Variants in FSTL5 observed in about 807,000 individuals in gnomAD.
FSTL5 encodes the protein follistatin like 5, also known as follistatin-related protein 5.
Under a neutral mutation model 89.1 loss-of-function variants are expected in FSTL5, and 62 were observed. That is an observed-to-expected ratio of 0.70 (90% CI 0.57 to 0.86). The LOEUF is 0.86. FSTL5 is among the 40% of genes least tolerant of loss of function. FSTL5 has a pLI of 0.00. For missense variants in FSTL5, 1,057 were observed against 1,001.6 expected (o/e 1.06, Z -0.75); for synonymous variants, 383 against 346.2 (o/e 1.11, Z -1.18).
chr4:162,158,079 T>G (rs1276406930), intron 1 of FSTL5, among the ~76,000 whole-genome samples: 1 of 152,132 alleles, frequency 6.6e-6, no homozygotes, highest in Admixed American at 6.6e-5. Flanking sequence ...TCACAGACTG[T>G]TCAAAACTTT....
chr4:161,656,276 G>A, intron 7 of FSTL5, 52 bp downstream of exon 7: 6 of 999,494 alleles, frequency 6.0e-6, no homozygotes, highest in Middle Eastern at 3.0e-4. Context: ...AAAGTCTGGA[G>A]TATATCACAT....
At chr4:161,505,343 T>G (rs2126492069) in intron 11 of FSTL5, among the ~76,000 whole-genome samples, 1 of 152,288 alleles carries the variant, frequency 6.6e-6, no homozygotes, top group South Asian at 2.1e-4. Context: ...ATAAAGTCTT[T>G]ATATTAAGTT....
intron 2 of FSTL5, among the ~76,000 whole-genome samples, chr4:162,101,340 T>C (rs1336885481): frequency 6.6e-6 from 1 of 152,244 alleles, no homozygotes; most frequent in Non-Finnish European, 1.5e-5. Flanking sequence ...TGAACTGTTT[T>C]ATTCAGTACT....
intron 2 of FSTL5, among the ~76,000 whole-genome samples, chr4:162,040,449 C>T (rs1737907397): frequency 6.6e-6 from 1 of 152,014 alleles, no homozygotes; most frequent in African/African-American, 2.4e-5. Context: ...TACATACACA[C>T]ACATATAGGT....
chr4:161,839,002 TCAAAC>T (rs1272316520), intron 4 of FSTL5, among the ~76,000 whole-genome samples: 4 of 152,004 alleles, frequency 2.6e-5, no homozygotes, highest in Non-Finnish European at 5.9e-5. Flanking sequence ...TGAGAAATCT[TCAAAC>T]CAAATTATAA....
chr4:161,714,811 TTAG>T (rs1219089960), intron 6 of FSTL5, among the ~76,000 whole-genome samples: 3 of 152,158 alleles, frequency 2.0e-5, no homozygotes, highest in Non-Finnish European at 4.4e-5. Flanking sequence ...CAGCTGGCTT[TTAG>T]TAGATTAATT....
intron 1 of FSTL5, among the ~76,000 whole-genome samples, chr4:162,157,100 A>G (rs1733504440): frequency 6.6e-6 from 1 of 152,100 alleles, no homozygotes; most frequent in African/African-American, 2.4e-5. Flanking sequence ...ATGTCAAAAT[A>G]ATTTTGTCTC....
chr4:161,418,549 T>A (rs901321340), intron 15 of FSTL5, among the ~76,000 whole-genome samples: 1 of 152,228 alleles, frequency 6.6e-6, no homozygotes, highest in African/African-American at 2.4e-5. Context: ...ACCAAAAGTT[T>A]GATAAATAAA....
At chr4:161,402,644 G>A (rs1056142744) in intron 15 of FSTL5, among the ~76,000 whole-genome samples, 1 of 151,986 alleles carries the variant, frequency 6.6e-6, no homozygotes, top group Non-Finnish European at 1.5e-5. Context: ...CCTTGGACTT[G>A]GTCTGATCTG....
chr4:161,385,295 A>T lies in FSTL5; in HGVS notation c.*452T>A, dbSNP rs1730578552. ...TTCCCTTCAAGGCACAAAATATTATAAACAGTGGACAGGACCGAATATTTT... is the reference window on the plus strand; with the variant it reads ...TTCCCTTCAAGGCACAAAATATTATTAACAGTGGACAGGACCGAATATTTT... On this transcript the variant is annotated 3_prime_UTR_variant, in exon 16 of 16. Transcript: ENST00000306100. 6.4e-6 allele frequency: 1 copy of T among 157,016 alleles called. No homozygotes were observed. The highest frequency in any genetic ancestry group is 6.2e-5 in the Admixed American group (1 of 16,116). The allele number at this position is 157,016 out of a possible 1,614,324, so 9.7% of individuals were successfully genotyped here. A position where few individuals can be genotyped will look rare whatever the true frequency, so the allele number is the denominator to read the frequency against.
At chr4:161,798,747 A>G (rs1729708282) in intron 4 of FSTL5, among the ~76,000 whole-genome samples, 5 of 151,764 alleles carry the variant, frequency 3.3e-5, no homozygotes, top group Admixed American at 3.3e-4. Context: ...AAATCTAAAA[A>G]AAAAATTAAC....
At chr4:161,415,685 G>C (rs1442199959) in intron 15 of FSTL5, among the ~76,000 whole-genome samples, 1 of 149,456 alleles carries the variant, frequency 6.7e-6, no homozygotes, top group East Asian at 2.2e-4. Context: ...GAGAGAAAGA[G>C]AGAGAAAGAG....
chr4:161,556,178 A>G (rs1370508767), intron 8 of FSTL5, among the ~76,000 whole-genome samples: 1 of 151,592 alleles, frequency 6.6e-6, no homozygotes, highest in Non-Finnish European at 1.5e-5. Flanking sequence ...TTGCACCTCA[A>G]TAGTGTGTTT....
At chr4:161,879,303 A>C (rs1218472980) in intron 4 of FSTL5, among the ~76,000 whole-genome samples, 1 of 152,164 alleles carries the variant, frequency 6.6e-6, no homozygotes, top group East Asian at 1.9e-4. Context: ...TAGTGTCTAC[A>C]CCAACCCCTG....
At chr4:162,053,118 A>C (rs1738435719) in intron 2 of FSTL5, among the ~76,000 whole-genome samples, 1 of 151,774 alleles carries the variant, frequency 6.6e-6, no homozygotes. Context: ...TCTGGGATGC[A>C]AACAGGAGAT....
intron 8 of FSTL5, among the ~76,000 whole-genome samples, chr4:161,581,563 C>T (rs1733440335): frequency 1.3e-5 from 2 of 152,166 alleles, no homozygotes; most frequent in African/African-American, 4.8e-5. Context: ...ATTGTTGCCC[C>T]AGACTTAAGC....
At chr4:161,646,269 CAT>C (rs957295410) in intron 7 of FSTL5, among the ~76,000 whole-genome samples, 1 of 148,616 alleles carries the variant, frequency 6.7e-6, no homozygotes, top group African/African-American at 2.5e-5. Flanking sequence ...CTATATATCT[CAT>C]ATATTATATA....
At chr4:161,991,237 G>C (rs967009728) in intron 3 of FSTL5, among the ~76,000 whole-genome samples, 1 of 152,110 alleles carries the variant, frequency 6.6e-6, no homozygotes, top group African/African-American at 2.4e-5. Flanking sequence ...TGAATAATTG[G>C]TGTCATTTCA....
intron 4 of FSTL5, among the ~76,000 whole-genome samples, chr4:161,813,887 C>G (rs1345593556): frequency 2.0e-5 from 3 of 151,806 alleles, no homozygotes; most frequent in African/African-American, 7.3e-5. Flanking sequence ...AGTTCTGTGT[C>G]TCTTTTTAAA....
Sources: gnomAD v4.1 joint callset for allele counts (sites outside exome capture counted in the v4.1 genomes callset) on GRCh38, gnomAD v4.1.1 for gene constraint, MANE v1.5 for transcripts, NCBI Gene and HGNC (gene_info 2026-07-23, HGNC 2026-07-21) for gene names.